RB1: variants seen among roughly 807,000 people sequenced by gnomAD.
RB1 encodes the protein RB transcriptional corepressor 1.
RB1 carries 18 observed loss-of-function variants against 135.4 expected under a neutral mutation model. The observed-to-expected ratio is 0.13, with a 90% CI of 0.09 to 0.20. RB1 has a LOEUF of 0.20. Ranked by LOEUF, RB1 falls within the 10% of genes least tolerant of loss-of-function variation. RB1 has a pLI of 1.00. For synonymous variants in RB1, 365 were observed against 373.2 expected (o/e 0.98, Z 0.25); for missense variants, 868 against 1,110.0 (o/e 0.78, Z 3.10).
intron 2 of RB1, chr13:48,333,296 AT>A (rs1321141401): frequency 2.7e-6 from 1 of 368,206 alleles, no homozygotes; most frequent in African/African-American, 2.1e-5. Flanking sequence ...AATCCATATA[AT>A]TGGATCTGAG....
chr13:48,425,157 TAA>T (rs1949061739), intron 17 of RB1, among the ~76,000 whole-genome samples: 1 of 152,206 alleles, frequency 6.6e-6, no homozygotes, highest in African/African-American at 2.4e-5. Context: ...ACGAATTTAG[TAA>T]AGAGCTTCTT....
chr13:48,326,272 T>C (rs1235932033), intron 2 of RB1, among the ~76,000 whole-genome samples: 1 of 152,156 alleles, frequency 6.6e-6, no homozygotes, highest in East Asian at 1.9e-4. Context: ...AAATGCCTAA[T>C]TTCTTTTTTT....
chr13:48,412,939 T>C (rs1462362283), intron 17 of RB1: 1 of 169,214 alleles, frequency 5.9e-6, no homozygotes, highest in African/African-American at 2.4e-5. Flanking sequence ...CCCATTTTAC[T>C]TCTTGCTTCT....
At chr13:48,358,165 T>C (rs1952609479) in intron 6 of RB1, among the ~76,000 whole-genome samples, 1 of 152,162 alleles carries the variant, frequency 6.6e-6, no homozygotes. Context: ...GCTGGTTAAG[T>C]TCTTAGTGCA....
chr13:48,367,403 A>G (rs1051801890), intron 9 of RB1, 91 bp from the exon 10 acceptor site: 1 of 1,375,614 alleles, frequency 7.3e-7, no homozygotes, highest in Non-Finnish European at 9.9e-7. Context: ...TGTATATTAT[A>G]CAAAAATTCT....
At chr13:48,324,695 A>T (rs1952270096) in intron 2 of RB1, among the ~76,000 whole-genome samples, 1 of 152,190 alleles carries the variant, frequency 6.6e-6, no homozygotes, top group South Asian at 2.1e-4. Flanking sequence ...TCTCTTTGAT[A>T]TACTGTTTTT....
chr13:48,416,158 A>G (rs75016337), intron 17 of RB1, among the ~76,000 whole-genome samples: 1,904 of 152,294 alleles, frequency 0.013, 44 homozygotes, highest in African/African-American at 0.039. Context: ...GAACACAGGA[A>G]CAGCTGGAGT....
At chr13:48,396,961 G>C (rs554243350) in intron 17 of RB1, among the ~76,000 whole-genome samples, 3 of 152,332 alleles carry the variant, frequency 2.0e-5, no homozygotes, top group Admixed American at 6.5e-5. Flanking sequence ...TCTCATGCCA[G>C]TTAGAATGGT....
intron 23 of RB1, 29 bp from the exon 24 acceptor site, chr13:48,473,331 C>A: frequency 1.3e-6 from 2 of 1,538,184 alleles, no homozygotes; most frequent in East Asian, 4.5e-5. Flanking sequence ...TTTTTTATTA[C>A]TAATTGGTAT....
intron 2 of RB1, among the ~76,000 whole-genome samples, chr13:48,312,794 T>A (rs1952142715): frequency 1.3e-5 from 2 of 152,244 alleles, no homozygotes; most frequent in South Asian, 2.1e-4. Flanking sequence ...GAGCATTTTT[T>A]ATGCATGTTT....
chr13:48,408,209 G>A (rs940457906), intron 17 of RB1, among the ~76,000 whole-genome samples: 1 of 151,460 alleles, frequency 6.6e-6, no homozygotes, highest in Non-Finnish European at 1.5e-5. Context: ...GAATATTAAG[G>A]TTCATTGATA....
intron 24 of RB1, chr13:48,476,423 G>T: frequency 2.5e-6 from 1 of 397,074 alleles, no homozygotes; most frequent in Non-Finnish European, 4.7e-6. Flanking sequence ...GAGGAACCAG[G>T]ACTTGCAGAG....
chr13:48,353,217 A>G (rs1411952672), intron 6 of RB1, among the ~76,000 whole-genome samples: 1 of 152,272 alleles, frequency 6.6e-6, no homozygotes, highest in Non-Finnish European at 1.5e-5. Flanking sequence ...TTAACTAAGG[A>G]AAAAAGAGAG....
At chr13:48,451,537 A>C (rs527623702) in intron 17 of RB1, among the ~76,000 whole-genome samples, 22 of 151,854 alleles carry the variant, frequency 1.4e-4, no homozygotes, top group Non-Finnish European at 2.1e-4. Context: ...TTTATTGTGG[A>C]TTTTTGCATT....
At position 48,412,781 on chromosome 13, in the gene RB1, C is replaced by CCACTT. The variant is rs1948839368; in HGVS notation, c.1695+31339_1695+31343dup. ...GCTGTGATCTGTGACCAGAATGAAA[C>CCACTT]CACTTGTCTTCTAAACTTGTATTTC... On this transcript the variant is annotated intron_variant, in intron 17 of 26. Coordinates refer to ENST00000267163, the MANE Select transcript of RB1 (RefSeq NM_000321.3). The CCACTT allele has an allele frequency of 1.0e-5, 3 of 292,288 alleles. No homozygotes were observed. The East Asian group carries it at 2.7e-4, about 27-fold the overall frequency. The allele number at this position is 292,288 out of a possible 1,614,324, so 18.1% of individuals were successfully genotyped here.
At position 48,412,185 on chromosome 13, in the gene RB1, C is replaced by T. The variant is rs763565378; in HGVS notation, c.1695+30742C>T. 8 of 1,613,758 alleles carry T rather than the reference C, an allele frequency of 5.0e-6. No individual in the cohort carries two copies. The South Asian group carries it at 5.5e-5, about 11-fold the overall frequency. On this transcript the variant is annotated intron_variant, in intron 17 of 26. Transcript: ENST00000267163. ...AAGTAAATCTCCAAATGGCCAATTC[C>T]GTGTTGTGAAGTAAAAAATCCTGAA... is the stretch of plus-strand genomic sequence containing the variant.
At chr13:48,359,627 T>G (rs2138106882) in intron 6 of RB1, among the ~76,000 whole-genome samples, 1 of 148,924 alleles carries the variant, frequency 6.7e-6, no homozygotes, top group East Asian at 2.0e-4. Flanking sequence ...AAATTAGAAT[T>G]AAAGATTAGC....
chr13:48,473,663 A>G (rs1215713446), intron 24 of RB1, among the ~76,000 whole-genome samples: 1 of 152,192 alleles, frequency 6.6e-6, no homozygotes, highest in Non-Finnish European at 1.5e-5. Flanking sequence ...ACATACATAT[A>G]TACGTGAGCT....
At chr13:48,350,672 C>T (rs1221774902) in intron 6 of RB1, among the ~76,000 whole-genome samples, 1 of 152,146 alleles carries the variant, frequency 6.6e-6, no homozygotes, top group Non-Finnish European at 1.5e-5. Context: ...CTTACTTCAT[C>T]ACCCAGGAAT....
Sources: gnomAD v4.1 joint callset for allele counts (sites outside exome capture counted in the v4.1 genomes callset) on GRCh38, gnomAD v4.1.1 for gene constraint, MANE v1.5 for transcripts, NCBI Gene and HGNC (gene_info 2026-07-23, HGNC 2026-07-21) for gene names.